Variants in NEGR1 observed in about 807,000 individuals in gnomAD.
The protein encoded by NEGR1 is neuronal growth regulator 1.
In NEGR1, 10 loss-of-function variants were observed where a neutral mutation model predicts 40.9. That is an observed-to-expected ratio of 0.24 (90% confidence interval 0.15 to 0.42). The LOEUF is 0.42. Ranked by LOEUF, NEGR1 falls within the 10% of genes least tolerant of loss-of-function variation. The pLI is 1.00. For missense variants in NEGR1, 352 were observed against 438.9 expected (o/e 0.80, Z 1.77); for synonymous variants, 185 against 166.8 (o/e 1.11, Z -0.84).
intron 6 of NEGR1, among the ~76,000 whole-genome samples, chr1:71,483,520 G>A (rs1279146570): frequency 6.6e-6 from 1 of 151,774 alleles, no homozygotes; most frequent in Non-Finnish European, 1.5e-5. Flanking sequence ...GCATTTGTGT[G>A]TGTATGTACA....
chr1:71,805,373 G>A (rs559594127), intron 2 of NEGR1, among the ~76,000 whole-genome samples: 8 of 152,092 alleles, frequency 5.3e-5, no homozygotes, highest in South Asian at 2.1e-4. Context: ...CTGGTTTTAC[G>A]GCTCAGGGGG....
At chr1:71,856,889 C>T (rs1659785238) in intron 2 of NEGR1, among the ~76,000 whole-genome samples, 1 of 152,020 alleles carries the variant, frequency 6.6e-6, no homozygotes, top group South Asian at 2.1e-4. Context: ...TGAGTTAAGT[C>T]AAGATATATA....
At chr1:72,148,110 G>C (rs1001958478) in intron 1 of NEGR1, among the ~76,000 whole-genome samples, 10 of 151,794 alleles carry the variant, frequency 6.6e-5, no homozygotes, top group African/African-American at 2.4e-4. Context: ...TAGAGACTCT[G>C]TGTAGGGGCT....
At position 71,406,142 on chromosome 1, in the gene NEGR1, T is replaced by A. The variant is rs921688916; in HGVS notation, c.*1304A>T. On this transcript the variant is annotated 3_prime_UTR_variant, in exon 7 of 7. Coordinates refer to ENST00000357731, the MANE Select transcript of NEGR1 (RefSeq NM_173808.3). ...ATGGTCTTTTTTGATTTTACTTGTT[T>A]GCACTGAAATGGCTATATAGAAAGA... 3 of 151,950 alleles carry A rather than the reference T, an allele frequency of 2.0e-5. No individual in the cohort carries two copies. The highest frequency in any genetic ancestry group is 7.2e-5 in the African/African-American group (3 of 41,412). 9.4% of individuals were successfully genotyped at this position (151,950 alleles called of 1,614,324 possible). A position where few individuals can be genotyped will look rare whatever the true frequency, so the allele number is the denominator to read the frequency against.
chr1:71,766,465 G>A (rs1228928025), intron 3 of NEGR1, among the ~76,000 whole-genome samples: 1 of 152,066 alleles, frequency 6.6e-6, no homozygotes, highest in Non-Finnish European at 1.5e-5. Flanking sequence ...GAGACATATA[G>A]CCCAGTGTTG....
At chr1:71,970,587 T>TG (rs1331240300) in intron 1 of NEGR1, among the ~76,000 whole-genome samples, 1 of 151,844 alleles carries the variant, frequency 6.6e-6, no homozygotes, top group Non-Finnish European at 1.5e-5. Context: ...AGCTCCTCCT[T>TG]GGGAGGCCGA....
At chr1:71,521,286 C>A (rs1647155730) in intron 6 of NEGR1, among the ~76,000 whole-genome samples, 1 of 151,942 alleles carries the variant, frequency 6.6e-6, no homozygotes, top group Non-Finnish European at 1.5e-5. Context: ...ACCCATAGAC[C>A]TTTCATACCC....
chr1:71,539,746 C>T (rs1298133836), intron 6 of NEGR1, among the ~76,000 whole-genome samples: 2 of 151,480 alleles, frequency 1.3e-5, no homozygotes, highest in Non-Finnish European at 1.5e-5. Context: ...CTTAATAGGT[C>T]AAAACTACTT....
intron 1 of NEGR1, among the ~76,000 whole-genome samples, chr1:72,210,998 T>C (rs930816182): frequency 6.6e-6 from 1 of 151,788 alleles, no homozygotes; most frequent in African/African-American, 2.4e-5. Context: ...ATCTCCAAAC[T>C]CATGAAATTA....
At position 71,399,947 on chromosome 1, in the gene NEGR1, C is replaced by T. The variant is rs1304125746; in HGVS notation, c.*7499G>A. The stretch of plus-strand genomic sequence containing the variant: ...AACGAATATTTTGTAAGTTTTTTTT[C>T]TAAGATATGGTCCCCAAATTTTCTT... On this transcript the variant is annotated 3_prime_UTR_variant, in exon 7 of 7. Coordinates refer to ENST00000357731, the MANE Select transcript of NEGR1 (RefSeq NM_173808.3). 6.6e-6 allele frequency: 1 copy of T among 151,914 alleles called. No homozygotes were observed. Among genetic ancestry groups the T allele is most frequent in the African/African-American group, 2.4e-5 (1 of 41,388 alleles). 9.4% of individuals were successfully genotyped at this position (151,914 alleles called of 1,614,324 possible). A position where few individuals can be genotyped will look rare whatever the true frequency, so the allele number is the denominator to read the frequency against.
intron 2 of NEGR1, among the ~76,000 whole-genome samples, chr1:71,834,821 G>T (rs2101795289): frequency 6.6e-6 from 1 of 151,528 alleles, no homozygotes; most frequent in African/African-American, 2.4e-5. Context: ...TACAATAACA[G>T]AGTTTTGTTA....
At chr1:72,132,433 T>A (rs922421260) in intron 1 of NEGR1, among the ~76,000 whole-genome samples, 2 of 152,160 alleles carry the variant, frequency 1.3e-5, no homozygotes, top group Admixed American at 6.5e-5. Flanking sequence ...TGTTGAAAGT[T>A]GAATCCTTAT....
intron 5 of NEGR1, among the ~76,000 whole-genome samples, chr1:71,609,672 C>G (rs1438703402): frequency 6.6e-6 from 1 of 151,376 alleles, no homozygotes; most frequent in Non-Finnish European, 1.5e-5. Context: ...CTGCTTGCAT[C>G]ACATACGTTC....
intron 2 of NEGR1, among the ~76,000 whole-genome samples, chr1:71,888,264 G>A (rs577703536): frequency 1.7e-4 from 26 of 152,232 alleles, no homozygotes; most frequent in African/African-American, 5.5e-4. Context: ...CAGCGTGAGC[G>A]ACGCAGAAGA....
intron 2 of NEGR1, among the ~76,000 whole-genome samples, chr1:71,802,742 C>T (rs545127155): frequency 8.7e-4 from 132 of 152,272 alleles, no homozygotes; most frequent in African/African-American, 3.1e-3. Flanking sequence ...TCATGTCTTT[C>T]TTCTTTCTGA....
intron 2 of NEGR1, among the ~76,000 whole-genome samples, chr1:71,815,806 G>T (rs1442811142): frequency 2.6e-5 from 4 of 151,912 alleles, no homozygotes; most frequent in African/African-American, 9.7e-5. Context: ...AATCCATCAC[G>T]AACATCCTCT....
rs566068413 is a variant in NEGR1 at position 71,904,482 on chromosome 1, C to T, written c.409+30597G>A. Among the ~76,000 whole-genome samples, 4 of 152,174 alleles carry T rather than the reference C, an allele frequency of 2.6e-5. No homozygotes were observed. The South Asian group carries it at 8.3e-4, about 32-fold the overall frequency. ...AGAATGTCTGATAAAGTAATATACA[C>T]TTAATGCCGTAGCAACATTCCTTAA... On this transcript the variant is annotated intron_variant, in intron 2 of 6. Coordinates refer to ENST00000357731, the MANE Select transcript of NEGR1 (RefSeq NM_173808.3).
rs190021695 is a variant in NEGR1 at position 71,936,364 on chromosome 1, T to C, written c.177-1053A>G. On this transcript the variant is annotated intron_variant, in intron 1 of 6. Transcript: ENST00000357731. ...GATTTAAACAGGTATTGTCTGTTGC[T>C]GTCTACAAGTTTTAGTCTAGCGAGG... Among the ~76,000 whole-genome samples, 113 of 152,328 alleles carry C rather than the reference T, an allele frequency of 7.4e-4. 1 individual carries two copies. The East Asian group carries it at 0.018, about 25-fold the overall frequency.
intron 3 of NEGR1, among the ~76,000 whole-genome samples, chr1:71,708,215 A>G (rs1366800258): frequency 6.6e-6 from 1 of 152,142 alleles, no homozygotes; most frequent in Non-Finnish European, 1.5e-5. Context: ...TTTCAAACAG[A>G]GGATTCAACA....
Sources: allele counts gnomAD v4.1 joint callset (sites outside exome capture counted in the v4.1 genomes callset), GRCh38; gene constraint gnomAD v4.1.1; transcripts MANE v1.5; gene names NCBI Gene and HGNC (gene_info 2026-07-23, HGNC 2026-07-21).